APP: variants seen among roughly 807,000 people sequenced by gnomAD.
The protein encoded by APP is amyloid beta precursor protein.
Under a neutral mutation model 101.4 loss-of-function variants are expected in APP, and 31 were observed. The observed-to-expected ratio is 0.31, with a 90% confidence interval of 0.23 to 0.41. The LOEUF (loss-of-function observed/expected upper bound fraction) is 0.41. APP is among the 10% of genes least tolerant of loss of function. The probability of loss-of-function intolerance (pLI) is 1.00; values close to 1 mark genes in which losing one functional copy is unlikely to be tolerated. For missense variants in APP, 839 were observed against 1,003.7 expected (o/e 0.84, Z 2.22); for synonymous variants, 366 against 364.4 (o/e 1.00, Z -0.05).
intron 5 of APP, among the ~76,000 whole-genome samples, chr21:26,048,707 G>C (rs986475436): frequency 6.6e-6 from 1 of 152,164 alleles, no homozygotes; most frequent in African/African-American, 2.4e-5. Flanking sequence ...ATAAGTTATG[G>C]TCTTATAAGA....
intron 1 of APP, among the ~76,000 whole-genome samples, chr21:26,125,202 T>G (rs1189182364): frequency 6.6e-6 from 1 of 152,170 alleles, no homozygotes; most frequent in Non-Finnish European, 1.5e-5. Flanking sequence ...TGGGAGCTGC[T>G]GCCACATTCC....
chr21:26,134,982 T>G (rs1347775366), intron 1 of APP, among the ~76,000 whole-genome samples: 1 of 152,208 alleles, frequency 6.6e-6, no homozygotes, highest in Non-Finnish European at 1.5e-5. Context: ...AATAAACTTC[T>G]CACCACTCCA....
At chr21:25,994,279 T>C (rs1256500549) in intron 8 of APP, among the ~76,000 whole-genome samples, 2 of 152,220 alleles carry the variant, frequency 1.3e-5, no homozygotes, top group Non-Finnish European at 2.9e-5. Flanking sequence ...GCAAAACTAA[T>C]GTCAGAAATT....
chr21:26,086,521 G>A (rs995119319), intron 3 of APP, among the ~76,000 whole-genome samples: 4 of 150,392 alleles, frequency 2.7e-5, no homozygotes, highest in African/African-American at 4.9e-5. Context: ...ATTTTAACAC[G>A]CTTAATGTTT....
chr21:26,105,453 G>GA (rs1483840359), intron 2 of APP, among the ~76,000 whole-genome samples: 2 of 152,160 alleles, frequency 1.3e-5, no homozygotes, highest in East Asian at 3.9e-4. Context: ...GTAACATTGT[G>GA]AGAGTATTCT....
chr21:25,941,352 A>G (rs2040569813), intron 13 of APP: 1 of 152,282 alleles, frequency 6.6e-6, no homozygotes, highest in Admixed American at 6.5e-5. Flanking sequence ...TAACAACAAA[A>G]AAAGCAAAGT....
At chr21:25,962,563 C>T (rs1029254965) in intron 11 of APP, among the ~76,000 whole-genome samples, 3 of 152,106 alleles carry the variant, frequency 2.0e-5, no homozygotes, top group African/African-American at 7.2e-5. Flanking sequence ...CAATTTTCAC[C>T]GAAATACTGA....
At chr21:25,893,944 G>A (rs185278864) in intron 16 of APP, among the ~76,000 whole-genome samples, 1 of 152,226 alleles carries the variant, frequency 6.6e-6, no homozygotes, top group African/African-American at 2.4e-5. Context: ...TGACTCTCTT[G>A]TTAGGGGCTA....
chr21:26,062,965 T>C (rs1485767721), intron 3 of APP, among the ~76,000 whole-genome samples: 2 of 152,110 alleles, frequency 1.3e-5, no homozygotes, highest in Admixed American at 6.5e-5. Context: ...GGTTATGCCA[T>C]GTTGCCCAGG....
At chr21:25,988,574 C>T (rs2042728022) in intron 8 of APP, among the ~76,000 whole-genome samples, 1 of 151,722 alleles carries the variant, frequency 6.6e-6, no homozygotes, top group Non-Finnish European at 1.5e-5. Context: ...TGGTGGCAGG[C>T]GCCTGTAATC....
intron 5 of APP, among the ~76,000 whole-genome samples, chr21:26,023,429 A>G (rs1461767604): frequency 1.3e-5 from 2 of 150,774 alleles, no homozygotes; most frequent in Non-Finnish European, 2.9e-5. Context: ...AGTTCCAGCT[A>G]CTCAGAAGGC....
intron 5 of APP, among the ~76,000 whole-genome samples, chr21:26,043,432 T>C (rs1449474211): frequency 6.6e-6 from 1 of 152,078 alleles, no homozygotes; most frequent in Non-Finnish European, 1.5e-5. Context: ...GGTTTTTCCA[T>C]GTTGGCCAGG....
chr21:26,108,472 G>A (rs1234691855), intron 2 of APP, among the ~76,000 whole-genome samples: 6 of 152,168 alleles, frequency 3.9e-5, no homozygotes, highest in Non-Finnish European at 8.8e-5. Flanking sequence ...GACAGCACAC[G>A]GCTAGAGGCT....
At chr21:26,122,721 A>ATTTTTTATTAGAAGATTTTAATAAAAT (rs2062600930) in intron 1 of APP, among the ~76,000 whole-genome samples, 3 of 146,908 alleles carry the variant, frequency 2.0e-5, no homozygotes, top group Non-Finnish European at 4.6e-5. Flanking sequence ...TTTTAATAAA[A>ATTTTTTATTAGAAGATTTTAATAAAAT]TTTTTTATTA....
chr21:25,893,208 G>A lies in APP; in HGVS notation c.2065-1340C>T, dbSNP rs45599838. On this transcript the variant is annotated intron_variant, in intron 16 of 17. Transcript: ENST00000346798. The stretch of plus-strand genomic sequence containing the variant: ...AACTAAATCAATAAATGTTGTGTGT[G>A]TTCTGTCTGCCCCCCAAACTGGCCA... Among the ~76,000 whole-genome samples the A allele has an allele frequency of 8.9e-3, 1,358 of 152,240 alleles. 8 individuals carry two copies. The highest frequency in any genetic ancestry group is 0.017 in the Middle Eastern group (5 of 294).
intron 5 of APP, among the ~76,000 whole-genome samples, chr21:26,034,010 A>C (rs1287404753): frequency 6.6e-6 from 1 of 152,226 alleles, no homozygotes; most frequent in East Asian, 1.9e-4. Context: ...CAAAGAACAA[A>C]AAAATCTGAG....
chr21:25,982,740 C>G (rs577246077), intron 8 of APP, among the ~76,000 whole-genome samples: 1 of 152,188 alleles, frequency 6.6e-6, no homozygotes, highest in Admixed American at 6.5e-5. Context: ...CATTAGAGTT[C>G]TTTACGAAAC....
At chr21:26,026,759 A>G (rs2044594748) in intron 5 of APP, among the ~76,000 whole-genome samples, 2 of 152,246 alleles carry the variant, frequency 1.3e-5, no homozygotes, top group African/African-American at 2.4e-5. Context: ...TCAGTATGAC[A>G]CTACAATGGT....
At position 26,022,052 on chromosome 21, in the gene APP, C is replaced by T; in HGVS notation, c.663-10G>A. 4 of 1,613,208 alleles carry T rather than the reference C, an allele frequency of 2.5e-6. No individual in the cohort carries two copies. The highest frequency in any genetic ancestry group is 2.5e-6 in the Non-Finnish European group (3 of 1,179,286). On this transcript the variant is annotated splice_polypyrimidine_tract_variant and intron_variant, in intron 5 of 17. Coordinates refer to ENST00000346798, the MANE Select transcript of APP (RefSeq NM_000484.4). ...TACTACTTTGTCTTCACTGTGAAGG[C>T]AAACACAAATAACAGAAAAAGTCAA...
Sources: gnomAD v4.1 joint callset for allele counts (sites outside exome capture counted in the v4.1 genomes callset) on GRCh38, gnomAD v4.1.1 for gene constraint, MANE v1.5 for transcripts, NCBI Gene and HGNC (gene_info 2026-07-23, HGNC 2026-07-21) for gene names.